The following AGMO variants were observed in gnomAD, a reference collection of about 807,000 sequenced individuals.
AGMO encodes alkylglycerol monooxygenase, also known as glyceryl-ether monooxygenase.
Under a neutral mutation model 60.2 loss-of-function variants are expected in AGMO, and 75 were observed. The observed-to-expected ratio is 1.25, with a 90% CI of 1.03 to 1.51. The LOEUF is 1.51. Among genes scored for constraint, AGMO ranks in the 40% most tolerant of loss-of-function variants. The pLI is 0.00. For synonymous variants in AGMO, 261 were observed against 177.1 expected (o/e 1.47, Z -3.76); for missense variants, 763 against 525.5 (o/e 1.45, Z -4.42).
intron 12 of AGMO, among the ~76,000 whole-genome samples, chr7:15,290,919 TAAGAA>T (rs990585003): frequency 2.0e-5 from 3 of 152,166 alleles, no homozygotes; most frequent in Non-Finnish European, 4.4e-5. Flanking sequence ...GGGTTCTTAT[TAAGAA>T]AAGAAAAGCT....
intron 12 of AGMO, among the ~76,000 whole-genome samples, chr7:15,349,955 G>A (rs1782178341): frequency 6.6e-6 from 1 of 151,976 alleles, no homozygotes. Flanking sequence ...ACTTGGGTGG[G>A]GACACAGCCA....
At chr7:15,494,959 G>T (rs1055285141) in intron 3 of AGMO, among the ~76,000 whole-genome samples, 4 of 152,208 alleles carry the variant, frequency 2.6e-5, no homozygotes, top group East Asian at 1.9e-4. Context: ...TTTACAATTT[G>T]CCTGAGAAGG....
At chr7:15,503,603 A>C (rs1438552044) in intron 3 of AGMO, among the ~76,000 whole-genome samples, 1 of 152,072 alleles carries the variant, frequency 6.6e-6, no homozygotes, top group Non-Finnish European at 1.5e-5. Context: ...AATCAATATG[A>C]GCTGCAGAAG....
In AGMO at chr7:15,209,735, G is replaced by A. The variant is rs1214935948; in HGVS notation, c.1264-8376C>T. 2.0e-5 allele frequency among the ~76,000 whole-genome samples: 3 copies of A among 152,110 alleles called. No homozygotes were observed. In the East Asian group the frequency reaches 5.8e-4, roughly 29 times the overall value. On this transcript the variant is annotated intron_variant, in intron 12 of 12. Transcript: ENST00000342526. ...AAGGGTATACAGAGTCTTGACTGAT[G>A]GGAAACAATGACTGGTTCCTAAGAA...
intron 3 of AGMO, among the ~76,000 whole-genome samples, chr7:15,484,789 AAAC>A (rs1235517225): frequency 6.6e-6 from 1 of 152,140 alleles, no homozygotes; most frequent in East Asian, 1.9e-4. Context: ...ATTATATGAG[AAAC>A]AACAAACTCA....
intron 3 of AGMO, among the ~76,000 whole-genome samples, chr7:15,441,675 C>T (rs752435463): frequency 1.3e-5 from 2 of 152,074 alleles, no homozygotes; most frequent in Non-Finnish European, 2.9e-5. Context: ...CGTTTGCCTG[C>T]GGTAAGACAC....
chr7:15,513,142 T>A (rs1783719128), intron 3 of AGMO, among the ~76,000 whole-genome samples: 1 of 152,238 alleles, frequency 6.6e-6, no homozygotes, highest in African/African-American at 2.4e-5. Flanking sequence ...TTGCTGATTG[T>A]CAAGCATAAT....
chr7:15,391,248 GAAAT>G (rs1205394804), intron 6 of AGMO, among the ~76,000 whole-genome samples: 2 of 151,838 alleles, frequency 1.3e-5, no homozygotes, highest in Admixed American at 6.6e-5. Flanking sequence ...TTATAAATGA[GAAAT>G]AAAATCAGAA....
intron 12 of AGMO, among the ~76,000 whole-genome samples, chr7:15,296,551 A>T (rs1372141281): frequency 6.8e-6 from 1 of 147,772 alleles, no homozygotes; most frequent in East Asian, 1.9e-4. Flanking sequence ...CTCCTTGTTA[A>T]ATAAAGTCTT....
chr7:15,187,857 C>T, the AGMO span, among the ~76,000 whole-genome samples: 1 of 151,002 alleles, frequency 6.6e-6, no homozygotes, highest in African/African-American at 2.4e-5. Flanking sequence ...TAAAGTTACT[C>T]CCCATTAGGA....
the AGMO span, among the ~76,000 whole-genome samples, chr7:15,183,264 G>A: frequency 6.6e-6 from 1 of 151,994 alleles, no homozygotes; most frequent in South Asian, 2.1e-4. Flanking sequence ...CATTTCCAAA[G>A]CCCACAAAAC....
At chr7:15,559,358 A>G (rs1785239495) in intron 2 of AGMO, among the ~76,000 whole-genome samples, 1 of 152,144 alleles carries the variant, frequency 6.6e-6, no homozygotes, top group Admixed American at 6.6e-5. Flanking sequence ...GGATAAGCAC[A>G]CAATTCCATG....
chr7:15,286,064 A>G (rs552408434), intron 12 of AGMO, among the ~76,000 whole-genome samples: 17 of 152,264 alleles, frequency 1.1e-4, no homozygotes, highest in African/African-American at 3.8e-4. Flanking sequence ...CACCTTATAT[A>G]AAAATCAACT....
intron 10 of AGMO, among the ~76,000 whole-genome samples, chr7:15,374,790 C>A (rs12530606): frequency 0.39 from 59,784 of 151,770 alleles, 12,540 homozygotes; most frequent in East Asian, 0.7. Flanking sequence ...GGAGAAAGAG[C>A]CAGGATTTGA....
intron 12 of AGMO, among the ~76,000 whole-genome samples, chr7:15,308,530 G>T (rs895922354): frequency 3.3e-5 from 5 of 151,980 alleles, no homozygotes; most frequent in South Asian, 2.1e-4. Context: ...TAACTCATTT[G>T]CTTGTCATAT....
intron 8 of AGMO, among the ~76,000 whole-genome samples, chr7:15,388,354 G>A (rs1323957817): frequency 6.6e-6 from 1 of 152,056 alleles, no homozygotes; most frequent in Non-Finnish European, 1.5e-5. Context: ...GCAACCTCAG[G>A]CATATGGGTT....
At chr7:15,240,017 C>T (rs10248127) in intron 12 of AGMO, among the ~76,000 whole-genome samples, 32,204 of 152,046 alleles carry the variant, frequency 0.21, 3,641 homozygotes, top group South Asian at 0.32. Flanking sequence ...TATGAAACAA[C>T]AACTTCTGCT....
chr7:15,324,578 C>G lies in AGMO; in HGVS notation c.1263+40936G>C, dbSNP rs146257181. On this transcript the variant is annotated intron_variant, in intron 12 of 12. Coordinates refer to ENST00000342526, the MANE Select transcript of AGMO (RefSeq NM_001004320.2). ...CCTTTCTTCTCCCCCTCATCTCCCTCACTCCTGAGGTCTGTCCTCTAATGT... is the reference window on the plus strand; with the variant it reads ...CCTTTCTTCTCCCCCTCATCTCCCTGACTCCTGAGGTCTGTCCTCTAATGT... Among the ~76,000 whole-genome samples the G allele has an allele frequency of 3.3e-5, 5 of 152,252 alleles. No individual in the cohort carries two copies. The East Asian group carries it at 9.6e-4, about 29-fold the overall frequency.
At chr7:15,138,087 T>G in the AGMO span, among the ~76,000 whole-genome samples, 2 of 152,134 alleles carry the variant, frequency 1.3e-5, no homozygotes, top group East Asian at 3.9e-4. Context: ...CTCATGTTCC[T>G]CCATTCACTG....
Sources: gnomAD v4.1 joint callset for allele counts (sites outside exome capture counted in the v4.1 genomes callset) on GRCh38, gnomAD v4.1.1 for gene constraint, MANE v1.5 for transcripts, NCBI Gene and HGNC (gene_info 2026-07-23, HGNC 2026-07-21) for gene names.